TPCN2: variants seen among roughly 807,000 people sequenced by gnomAD.
The protein encoded by TPCN2 is two pore channel protein 2.
TPCN2 carries 92 observed loss-of-function variants against 111.4 expected under a neutral mutation model. The observed-to-expected ratio is 0.83, with a 90% CI of 0.70 to 0.98. The LOEUF (loss-of-function observed/expected upper bound fraction) is 0.98, where lower values mean the gene tolerates loss of function less well. Ranked by LOEUF, TPCN2 falls within the 50% of genes least tolerant of loss-of-function variation. The pLI, the probability that TPCN2 is intolerant of heterozygous loss-of-function variation, is 0.00. For missense variants in TPCN2, 995 were observed against 980.1 expected (o/e 1.02, Z -0.20); for synonymous variants, 405 against 414.5 (o/e 0.98, Z 0.28).
chr11:69,073,257 G>A (rs1013889805), intron 13 of TPCN2, among the ~76,000 whole-genome samples: 6 of 152,244 alleles, frequency 3.9e-5, no homozygotes, highest in African/African-American at 1.4e-4. Context: ...GGTCTTCTCG[G>A]TTTCCATGAC....
Position 69,078,737 on chromosome 11 carries a change from T to G in TPCN2, c.1354T>G (p.Phe452Val). ...GCCCTCTGTTCTGGCGTTGCAGGTG[T>G]TCCTGGTGCTGGATGCAGATGTGCT... ...ALANLVSICV[F>V]LVLDADVLPA... is the part of the protein sequence containing the mutation. The change falls in exon 15 of 25, where the codon TTC (phenylalanine) becomes GTC (valine). Residue 452 changes from phenylalanine (F) to valine (V), a missense_variant. Phe to Val is a conservative substitution (Grantham distance 50, BLOSUM62 -1). Transcript: ENST00000294309. 6.2e-7 allele frequency: 1 copy of G among 1,613,926 alleles called. No individual in the cohort carries two copies. The highest frequency in any genetic ancestry group is 8.5e-7 in the Non-Finnish European group (1 of 1,180,026).
intron 22 of TPCN2, 114 bp downstream of exon 22, chr11:69,086,044 C>A: frequency 9.7e-7 from 1 of 1,026,644 alleles, no homozygotes; most frequent in Non-Finnish European, 1.5e-6. Context: ...GACGGGGACT[C>A]GGGCCTTGAC....
In TPCN2 at chr11:69,061,790, G is replaced by A. The variant is rs968602859; in HGVS notation, c.547-1094G>A. ...GCTGTGAGAACACTGGTGTGTGATG[G>A]TTGGGGCAGAAGGTGGTGATTGAGC... is the stretch of plus-strand genomic sequence containing the variant. On this transcript the variant is annotated intron_variant, in intron 5 of 24. Coordinates refer to ENST00000294309, the MANE Select transcript of TPCN2 (RefSeq NM_139075.4). 2.0e-5 allele frequency among the ~76,000 whole-genome samples: 3 copies of A among 152,238 alleles called. No homozygotes were observed. In the East Asian group the frequency reaches 5.8e-4, roughly 29 times the overall value.
At chr11:69,063,052 G>A (rs1590716998) in intron 6 of TPCN2, 62 bp downstream of exon 6, 6 of 1,433,532 alleles carry the variant, frequency 4.2e-6, no homozygotes, top group Admixed American at 1.7e-5. Flanking sequence ...CCCGGGCCAC[G>A]TGGTTGCGGG....
rs1856285039 is a variant in TPCN2, at chr11:69,086,550, G to A, written c.2031G>A (p.Trp677Ter). Residue 677 changes from tryptophan to a stop codon, truncating the protein, a stop_gained, in exon 23 of 25, where the codon TGG becomes TGA. Coordinates refer to ENST00000294309, the MANE Select transcript of TPCN2 (RefSeq NM_139075.4). LOFTEE classifies it high-confidence loss of function. ...GGTCCAAGATCTATTTTGTATTGTGGTGGCTGGTGTCGTCTGTCATCTGGG... is the reference window on the plus strand; with the variant it reads ...GGTCCAAGATCTATTTTGTATTGTGATGGCTGGTGTCGTCTGTCATCTGGG... ...GPWSKIYFVL[W>*]WLVSSVIWVN... 6.2e-7 allele frequency: 1 copy of A among 1,614,148 alleles called. No homozygotes were observed. Among genetic ancestry groups the A allele is most frequent in the Non-Finnish European group, 8.5e-7 (1 of 1,180,028 alleles).
At chr11:69,050,235 AT>A (rs1315195520) in intron 1 of TPCN2, among the ~76,000 whole-genome samples, 5 of 152,160 alleles carry the variant, frequency 3.3e-5, no homozygotes, top group Non-Finnish European at 5.9e-5. Context: ...CAGGAAGGAG[AT>A]CTGCAGGGAG....
Position 69,083,267 on chromosome 11 carries a change from C to G in TPCN2, c.1690-678C>G, listed in dbSNP as rs146207620. On this transcript the variant is annotated intron_variant, in intron 18 of 24. Transcript: ENST00000294309. ...AGTCGCAGTTTCCCAGGACCTCTCA[C>G]GTGAGTATATACATGCTCACGATGA... 3.9e-5 allele frequency: 6 copies of G among 153,122 alleles called. No individual in the cohort carries two copies. In the East Asian group the frequency reaches 9.6e-4, roughly 25 times the overall value. 9.5% of individuals were successfully genotyped at this position (153,122 alleles called of 1,614,324 possible). A position where few individuals can be genotyped will look rare whatever the true frequency, so the allele number is the denominator to read the frequency against.
chr11:69,071,396 C>T lies in TPCN2; in HGVS notation c.936C>T (p.Tyr312=). ...TGAACCTGCTGACAGCCATCATCTA[C>T]AGTCAGTTCCGGGGCTACCTGATGG... The part of the protein sequence containing the change: ...FLMNLLTAII[Y]SQFRGYLMKS... Residue 312 remains tyrosine, a synonymous_variant, in exon 10 of 25, where the codon TAC becomes TAT. Transcript: ENST00000294309. 2 of 1,613,810 alleles carry T rather than the reference C, an allele frequency of 1.2e-6. No individual in the cohort carries two copies. Among genetic ancestry groups the T allele is most frequent in the East Asian group, 2.2e-5 (1 of 44,870 alleles).
chr11:69,080,122 G>A (rs1036829672), intron 17 of TPCN2, among the ~76,000 whole-genome samples: 6 of 152,242 alleles, frequency 3.9e-5, no homozygotes, highest in Non-Finnish European at 7.3e-5. Flanking sequence ...GAGGGAAGCC[G>A]TTGTTCCCCC....
chr11:69,086,417 G>T, intron 22 of TPCN2, 106 bp from the exon 23 acceptor site: 1 of 899,020 alleles, frequency 1.1e-6, no homozygotes, highest in South Asian at 1.3e-5. Flanking sequence ...TGGTGTGTGT[G>T]GGCCGGCTGC....
intron 8 of TPCN2, among the ~76,000 whole-genome samples, chr11:69,069,744 ACT>A (rs1565087324): frequency 0.14 from 18,343 of 129,868 alleles, 5,512 homozygotes; most frequent in South Asian, 0.22. Flanking sequence ...AAGTGACCGC[ACT>A]GGGAGCAGGA....
At chr11:69,081,286 C>G in intron 17 of TPCN2, 114 bp from the exon 18 acceptor site, 2 of 657,426 alleles carry the variant, frequency 3.0e-6, no homozygotes, top group East Asian at 5.6e-5. Flanking sequence ...GGTGCACTCC[C>G]GTCATGCCCT....
At chr11:69,072,456 G>A (rs1216128763) in intron 11 of TPCN2, among the ~76,000 whole-genome samples, 171 bp from the exon 12 acceptor site, 1 of 152,004 alleles carries the variant, frequency 6.6e-6, no homozygotes, top group Non-Finnish European at 1.5e-5. Flanking sequence ...GCGCCTTCTC[G>A]GGGGGACGGC....
rs1443390008 is a variant in TPCN2, at chr11:69,055,200, A to G, written c.277A>G (p.Ile93Val). 6.2e-7 allele frequency: 1 copy of G among 1,613,924 alleles called. No individual in the cohort carries two copies. Among genetic ancestry groups the G allele is most frequent in the South Asian group, 1.1e-5 (1 of 91,080 alleles). Residue 93 changes from isoleucine (I) to valine (V), a missense_variant, in exon 4 of 25, where the codon ATC becomes GTC. Physicochemically the swap from Ile to Val is conservative, Grantham distance 29. Coordinates refer to ENST00000294309, the MANE Select transcript of TPCN2 (RefSeq NM_139075.4). The stretch of plus-strand genomic sequence containing the variant: ...GACTTTGAGCTTCACCATCTTCTTG[A>G]TCCTGTTTTTGGCTTTTATCGAGAC... ...QRTLSFTIFL[I>V]LFLAFIETPS...
chr11:69,086,668 G>T, intron 23 of TPCN2, 64 bp downstream of exon 23: 2 of 1,518,436 alleles, frequency 1.3e-6, no homozygotes, highest in African/African-American at 2.7e-5. Flanking sequence ...CTCTCGATGG[G>T]CCTGAGGCCA....
In TPCN2 at chr11:69,067,521, A is replaced by G; in HGVS notation, c.745A>G (p.Arg249Gly). ...AGGKQDDGQD[R>G]ERLTYFQNLP... ...CTCTTAGCAGGATGATGGGCAGGAC[A>G]GGGAGAGGCTGACCTACTTCCAGAA... is the stretch of plus-strand genomic sequence containing the variant. Residue 249 changes from arginine (R) to glycine (G), a missense_variant, in exon 8 of 25, where the codon AGG becomes GGG. Arg to Gly is a moderately radical substitution (Grantham distance 125). Transcript: ENST00000294309. 6.2e-7 allele frequency: 1 copy of G among 1,613,804 alleles called. No individual in the cohort carries two copies. Among genetic ancestry groups the G allele is most frequent in the Non-Finnish European group, 8.5e-7 (1 of 1,180,004 alleles).
chr11:69,081,672 A>G (rs994715546), intron 18 of TPCN2, among the ~76,000 whole-genome samples, 173 bp downstream of exon 18: 4 of 152,154 alleles, frequency 2.6e-5, no homozygotes, highest in African/African-American at 9.7e-5. Flanking sequence ...GGGAAGGGTC[A>G]TTAGAAGCAG....
At chr11:69,066,336 A>G (rs1027323161) in intron 7 of TPCN2, among the ~76,000 whole-genome samples, 9 of 152,054 alleles carry the variant, frequency 5.9e-5, no homozygotes, top group African/African-American at 2.2e-4. Flanking sequence ...GAGGCCCAGG[A>G]GGGGCCCGCC....
chr11:69,079,874 A>C lies in TPCN2; in HGVS notation c.1580A>C (p.His527Pro), dbSNP rs1270626840. 1.2e-6 allele frequency: 2 copies of C among 1,613,690 alleles called. No individual in the cohort carries two copies. The highest frequency in any genetic ancestry group is 3.3e-5 in the Admixed American group (2 of 59,992). ...ISTLAVYRLPHPGWRPEMVGL... is the reference protein window; with the variant it reads ...ISTLAVYRLPPPGWRPEMVGL... ...ACTCTGGCTGTGTACCGATTGCCAC[A>C]CCCAGGCTGGTATGTGACTGGGCAG... Residue 527 changes from histidine (H) to proline (P), a missense_variant, in exon 17 of 25, where the codon CAC becomes CCC. Transcript: ENST00000294309.
Sources: allele counts gnomAD v4.1 joint callset (sites outside exome capture counted in the v4.1 genomes callset), GRCh38; gene constraint gnomAD v4.1.1; transcripts MANE v1.5; gene names NCBI Gene and HGNC (gene_info 2026-07-23, HGNC 2026-07-21).